The following PSMC1 variants were observed in gnomAD, a reference collection of about 807,000 sequenced individuals.
PSMC1 encodes proteasome 26S subunit, ATPase 1, also known as 26S proteasome regulatory subunit 4.
In PSMC1, 5 loss-of-function variants were observed where a neutral mutation model predicts 49.8. That is an observed-to-expected ratio of 0.10 (90% confidence interval 0.05 to 0.21). The LOEUF is 0.21. Among genes scored for constraint, PSMC1 ranks in the 10% least tolerant of loss-of-function variants. The pLI, the probability that PSMC1 is intolerant of heterozygous loss-of-function variation, is 1.00. For missense variants in PSMC1, 181 were observed against 535.7 expected (o/e 0.34, Z 6.54); for synonymous variants, 155 against 192.1 (o/e 0.81, Z 1.60).
intron 7 of PSMC1, 81 bp from the exon 8 acceptor site, chr14:90,268,143 A>T: frequency 8.4e-7 from 1 of 1,191,814 alleles, no homozygotes; most frequent in Non-Finnish European, 1.1e-6. Flanking sequence ...GTGTCCATTT[A>T]AGGTGGTAAT....
chr14:90,264,219 T>C, intron 6 of PSMC1, 50 bp downstream of exon 6: 1 of 1,606,210 alleles, frequency 6.2e-7, no homozygotes, highest in Non-Finnish European at 8.5e-7. Flanking sequence ...GTTTCTGTTG[T>C]CCCATTTAGG....
chr14:90,271,309 G>A (rs946347029), intron 10 of PSMC1: 4 of 152,122 alleles, frequency 2.6e-5, no homozygotes, highest in African/African-American at 9.7e-5. Context: ...AAAAGAAAAA[G>A]AAAACAATAA....
chr14:90,269,200 T>A, intron 8 of PSMC1, 197 bp from the exon 9 acceptor site: 1 of 572,168 alleles, frequency 1.7e-6, no homozygotes, highest in Non-Finnish European at 3.1e-6. Context: ...TTTCAACACA[T>A]AAATTTGGGG....
In PSMC1 at chr14:90,270,362, T is replaced by C; in HGVS notation, c.1188+10T>C. The C allele has an allele frequency of 1.2e-6, 2 of 1,609,636 alleles. No homozygotes were observed. Among genetic ancestry groups the C allele is most frequent in the Non-Finnish European group, 1.7e-6 (2 of 1,178,214 alleles). Reference sequence around the variant, plus strand: ...TGGTGCTGACATCAAGGTGAGAGCCTAGCCGTGTCAGCTTATTTCTGGGAA... The same window carrying C: ...TGGTGCTGACATCAAGGTGAGAGCCCAGCCGTGTCAGCTTATTTCTGGGAA... On this transcript the variant is annotated intron_variant, in intron 10 of 10. Coordinates refer to ENST00000261303, the MANE Select transcript of PSMC1 (RefSeq NM_002802.3).
intron 3 of PSMC1, among the ~76,000 whole-genome samples, chr14:90,261,726 T>C (rs953085768): frequency 4.6e-5 from 7 of 152,112 alleles, no homozygotes; most frequent in African/African-American, 1.4e-4. Context: ...AGTTCAACCA[T>C]TGTGGAAGAC....
In PSMC1 at chr14:90,269,347, A is replaced by AGCAG. The variant is rs1891600904; in HGVS notation, c.882-47_882-44dup. ...GAGGTCTTTGCTGTAATTCCCCTTG[A>AGCAG]GCAGGCGATCAGTTGAGTCTTCATT... is the stretch of plus-strand genomic sequence containing the variant. On this transcript the variant is annotated intron_variant, in intron 8 of 10. Transcript: ENST00000261303. 4.0e-6 allele frequency: 6 copies of AGCAG among 1,515,314 alleles called. No homozygotes were observed. In the Admixed American group the frequency reaches 7.5e-5, roughly 19 times the overall value. 93.9% of individuals were successfully genotyped at this position (1,515,314 alleles called of 1,614,324 possible).
intron 3 of PSMC1, among the ~76,000 whole-genome samples, 196 bp from the exon 4 acceptor site, chr14:90,263,122 C>A (rs1283979508): frequency 6.6e-6 from 1 of 152,100 alleles, no homozygotes; most frequent in African/African-American, 2.4e-5. Flanking sequence ...AAACCCCATC[C>A]CCATTTTGAA....
At chr14:90,262,026 A>C (rs913912425) in intron 3 of PSMC1, among the ~76,000 whole-genome samples, 1 of 151,832 alleles carries the variant, frequency 6.6e-6, no homozygotes, top group Non-Finnish European at 1.5e-5. Flanking sequence ...GGAAACCATC[A>C]TTCTGAGCAA....
rs541099435 is a variant in PSMC1 at position 90,274,917 on chromosome 14, T to C, written c.*2510T>C. ...ATTTTGAGAGTCTGCCACAAAACAC[T>C]GTTCAGTTAGAAAGGGAAAGTCACA... On this transcript the variant is annotated 3_prime_UTR_variant, in exon 11 of 11. Transcript: ENST00000261303. The C allele has an allele frequency of 7.9e-5, 12 of 151,900 alleles. No individual in the cohort carries two copies. The highest frequency in any genetic ancestry group is 2.4e-4 in the African/African-American group (10 of 41,368). 9.4% of individuals were successfully genotyped at this position (151,900 alleles called of 1,614,324 possible).
Position 90,273,244 on chromosome 14 carries a change from T to C in PSMC1, c.*837T>C, listed in dbSNP as rs1891715584. On this transcript the variant is annotated 3_prime_UTR_variant, in exon 11 of 11. Transcript: ENST00000261303. ...AGTTTTCTGTTAATACTATAACAAG[T>C]TACCACAGGCTTTGTTTAAAAACAG... 2 of 148,582 alleles carry C rather than the reference T, an allele frequency of 1.3e-5. No individual in the cohort carries two copies. Among genetic ancestry groups the C allele is most frequent in the Non-Finnish European group, 3.0e-5 (2 of 66,144 alleles). The allele number at this position is 148,582 out of a possible 1,614,324, so 9.2% of individuals were successfully genotyped here.
chr14:90,269,756 C>T (rs548859174), intron 9 of PSMC1: 1 of 470,150 alleles, frequency 2.1e-6, no homozygotes, highest in Non-Finnish European at 3.7e-6. Context: ...GAATTCCAGT[C>T]TTATGTCTTG....
In PSMC1 at chr14:90,275,173, C is replaced by G. The variant is rs1419937760; in HGVS notation, c.*2766C>G. ...CCACGTCTTGGAAGTCAAAAAGCTT[C>G]CAATCAGAAGGAGACCAAAGAGATG... On this transcript the variant is annotated 3_prime_UTR_variant, in exon 11 of 11. Transcript: ENST00000261303. 2 of 152,226 alleles carry G rather than the reference C, an allele frequency of 1.3e-5. No homozygotes were observed. Among genetic ancestry groups the G allele is most frequent in the East Asian group, 3.9e-4 (2 of 5,170 alleles). 9.4% of individuals were successfully genotyped at this position (152,226 alleles called of 1,614,324 possible). A position where few individuals can be genotyped will look rare whatever the true frequency, so the allele number is the denominator to read the frequency against.
At position 90,266,802 on chromosome 14, in the gene PSMC1, C is replaced by G. The variant is rs1319073223; in HGVS notation, c.692-1422C>G. ...AAGGTCCTATTTGTTTTCTGTTCACCTTCCCTCATTGATGCTTTCAGGGAG... is the reference window on the plus strand; with the variant it reads ...AAGGTCCTATTTGTTTTCTGTTCACGTTCCCTCATTGATGCTTTCAGGGAG... On this transcript the variant is annotated intron_variant, in intron 7 of 10. Transcript: ENST00000261303. 3.3e-5 allele frequency among the ~76,000 whole-genome samples: 5 copies of G among 152,250 alleles called. No homozygotes were observed. In the East Asian group the frequency reaches 9.6e-4, roughly 29 times the overall value.
Position 90,274,838 on chromosome 14 carries a change from A to ACACACACACACACACCCC in PSMC1, c.*2432_*2433insACACACACACACACCCCC, listed in dbSNP as rs1491397403. On this transcript the variant is annotated 3_prime_UTR_variant, in exon 11 of 11. Transcript: ENST00000261303. ...CACACACACACACACACACACACAC[A>ACACACACACACACACCCC]CCCCAATACATATGAATTGATCTGA... 1.5e-5 allele frequency: 1 copy of ACACACACACACACACCCC among 67,186 alleles called. No homozygotes were observed. The highest frequency in any genetic ancestry group is 3.2e-5 in the Non-Finnish European group (1 of 31,320). The allele number at this position is 67,186 out of a possible 1,614,324, so 4.2% of individuals were successfully genotyped here. A position where few individuals can be genotyped will look rare whatever the true frequency, so the allele number is the denominator to read the frequency against.
rs34247505 is a variant in PSMC1, at chr14:90,268,191, CTTT to C, written c.692-23_692-21del. On this transcript the variant is annotated intron_variant, in intron 7 of 10. Transcript: ENST00000261303. ...TAAGTTAAAATGGCACTTAAGGTGTCTTTTTTTTTTTTATCTTTTTCATCCAAA... is the reference window on the plus strand; with the variant it reads ...TAAGTTAAAATGGCACTTAAGGTGTCTTTTTTTTTATCTTTTTCATCCAAA... 5.4e-3 allele frequency: 7,058 copies of C among 1,304,134 alleles called. 21 individuals carry two copies. The highest frequency in any genetic ancestry group is 6.6e-3 in the Non-Finnish European group (6,435 of 969,920). The allele number at this position is 1,304,134 out of a possible 1,614,324, so 80.8% of individuals were successfully genotyped here.
At chr14:90,260,313 C>A in intron 3 of PSMC1, 102 bp downstream of exon 3, 1 of 760,014 alleles carries the variant, frequency 1.3e-6, no homozygotes, top group Non-Finnish European at 2.2e-6. Context: ...AGTAGAGGGG[C>A]AACTGAAGCT....
At position 90,272,146 on chromosome 14, in the gene PSMC1, G is replaced by C; in HGVS notation, c.1189-127G>C. ...TGACCTTAGGCGATCCACCTGCCTCGGCCTCCCAGAGTGCTGGGATTACAG... is the reference window on the plus strand; with the variant it reads ...TGACCTTAGGCGATCCACCTGCCTCCGCCTCCCAGAGTGCTGGGATTACAG... On this transcript the variant is annotated intron_variant, in intron 10 of 10. Transcript: ENST00000261303. This position sits in a 1 kb window ranked among gnomAD's most constrained non-coding sequence, Gnocchi z 4.5. 2 of 1,000,582 alleles carry C rather than the reference G, an allele frequency of 2.0e-6. No individual in the cohort carries two copies. Among genetic ancestry groups the C allele is most frequent in the Non-Finnish European group, 2.9e-6 (2 of 690,828 alleles). The allele number at this position is 1,000,582 out of a possible 1,614,324, so 62.0% of individuals were successfully genotyped here.
intron 3 of PSMC1, among the ~76,000 whole-genome samples, chr14:90,262,770 C>T (rs1251034241): frequency 6.8e-6 from 1 of 147,204 alleles, no homozygotes; most frequent in African/African-American, 2.5e-5. Flanking sequence ...GGCGACAGAG[C>T]AACAAGACTC....
rs1891675395 is a variant in PSMC1 at position 90,271,879 on chromosome 14, T to C, written c.1189-394T>C. 2 of 150,298 alleles carry C rather than the reference T, an allele frequency of 1.3e-5. 1 individual carries two copies. Among genetic ancestry groups the C allele is most frequent in the Admixed American group, 1.4e-4 (2 of 14,196 alleles). The allele number at this position is 150,298 out of a possible 1,614,324, so 9.3% of individuals were successfully genotyped here. A position where few individuals can be genotyped will look rare whatever the true frequency, so the allele number is the denominator to read the frequency against. On this transcript the variant is annotated intron_variant, in intron 10 of 10. Transcript: ENST00000261303. ...TGTTTAGTCTAGGTGTCTCATGCTT[T>C]ATTTCAGAACAGATTTTTTTTTTTT...
Sources: gnomAD v4.1 joint callset for allele counts (sites outside exome capture counted in the v4.1 genomes callset) on GRCh38, gnomAD v4.1.1 for gene constraint, Gnocchi (gnomAD v3.1) non-coding constraint, MANE v1.5 for transcripts, NCBI Gene and HGNC (gene_info 2026-07-23, HGNC 2026-07-21) for gene names.